Variants in SLC4A11 observed in about 807,000 individuals in gnomAD.
SLC4A11 encodes the protein solute carrier family 4 member 11.
Under a neutral mutation model 95.0 loss-of-function variants are expected in SLC4A11, and 74 were observed. The ratio of observed to expected loss-of-function variants is 0.78; its 90% CI spans 0.65 to 0.95. The LOEUF (loss-of-function observed/expected upper bound fraction) is 0.95, where lower values mean the gene tolerates loss of function less well. Among genes scored for constraint, SLC4A11 ranks in the 40% least tolerant of loss-of-function variants. The pLI is 0.00. For missense variants in SLC4A11, 1,081 were observed against 1,192.4 expected (o/e 0.91, Z 1.38); for synonymous variants, 548 against 519.0 (o/e 1.06, Z -0.76).
chr20:3,229,285 T>C (rs1568530164), intron 15 of SLC4A11, 22 bp from the exon 16 acceptor site: 4 of 1,613,004 alleles, frequency 2.5e-6, no homozygotes, highest in Non-Finnish European at 3.4e-6. Context: ...GACAGGCTAC[T>C]GCTATGCCTG....
chr20:3,230,770 A>C lies in SLC4A11; in HGVS notation c.1244T>G (p.Ile415Ser). 1.1e-5 allele frequency: 18 copies of C among 1,613,316 alleles called. No homozygotes were observed. Among genetic ancestry groups the C allele is most frequent in the Non-Finnish European group, 1.5e-5 (18 of 1,179,986 alleles). The change falls in exon 11 of 20, where the codon ATT becomes AGT. Residue 415 changes from isoleucine to serine, a missense_variant. By Grantham distance (142) the Ile-to-Ser change is moderately radical. This residue lies in a region of SLC4A11 where 767 missense variants were observed against 858.0 expected (regional missense o/e 0.89). Coordinates refer to ENST00000642402, the MANE Select transcript of SLC4A11 (RefSeq NM_001174089.2). ...CGCCAGGGGCGCGGTGGTCAGCAGA[A>C]TCACCAATGGCTGCCCAGAGAAGAG... The part of the protein sequence containing the change: ...YALFSGQPLV[I>S]LLTTAPLALY...
In SLC4A11 at chr20:3,227,875, A is replaced by G; in HGVS notation, c.2559-19T>C. 1 of 1,610,736 alleles carries G rather than the reference A, an allele frequency of 6.2e-7. No individual in the cohort carries two copies. The highest frequency in any genetic ancestry group is 8.5e-7 in the Non-Finnish European group (1 of 1,178,792). On this transcript the variant is annotated intron_variant, in intron 19 of 19. Transcript: ENST00000642402. The stretch of plus-strand genomic sequence containing the variant: ...GATATAGCTGTGGGGAGGGAGGGAC[A>G]GGAGGATGAGCCTGGGTCAGAGAGA...
chr20:3,233,711 C>A, intron 6 of SLC4A11, 74 bp from the exon 7 acceptor site: 1 of 1,598,028 alleles, frequency 6.3e-7, no homozygotes, highest in Non-Finnish European at 8.5e-7. Context: ...AGAACCCCCT[C>A]GACCTTGACC....
At chr20:3,230,444 C>G (rs548609295) in intron 12 of SLC4A11, 71 bp downstream of exon 12, 1,544 of 1,610,288 alleles carry the variant, frequency 9.6e-4, no homozygotes, top group Non-Finnish European at 1.2e-3. Flanking sequence ...CCCCACCACC[C>G]TGGGGTTACA....
chr20:3,238,082 C>T (rs1262591524), intron 1 of SLC4A11: 8 of 1,467,276 alleles, frequency 5.5e-6, no homozygotes, highest in Non-Finnish European at 6.3e-6. Flanking sequence ...GCAGTTCCCC[C>T]GACCCCCGTC....
Position 3,229,023 on chromosome 20 carries a change from G to C in SLC4A11, c.2019-12C>G, listed in dbSNP as rs567863718. 1 of 1,611,396 alleles carries C rather than the reference G, an allele frequency of 6.2e-7. No individual in the cohort carries two copies. The highest frequency in any genetic ancestry group is 1.3e-5 in the African/African-American group (1 of 74,996). ...TGCCCTTCACCAGCCTGCAGCAGAC[G>C]GGCACTCGTGGACAGAGCCCCACAG... On this transcript the variant is annotated splice_polypyrimidine_tract_variant and intron_variant, in intron 16 of 19. Coordinates refer to ENST00000642402, the MANE Select transcript of SLC4A11 (RefSeq NM_001174089.2).
rs769679247 is a variant in SLC4A11, at chr20:3,234,619, T to C, written c.242-2A>G. The C allele has an allele frequency of 6.2e-7, 1 of 1,613,874 alleles. No individual in the cohort carries two copies. Among genetic ancestry groups the C allele is most frequent in the Non-Finnish European group, 8.5e-7 (1 of 1,180,000 alleles). On this transcript the variant is annotated splice_acceptor_variant, in intron 3 of 19. Coordinates refer to ENST00000642402, the MANE Select transcript of SLC4A11 (RefSeq NM_001174089.2). LOFTEE classifies it high-confidence loss of function. The surrounding 1 kb of genome is among the most constrained non-coding windows in gnomAD (Gnocchi z 5.8). ...AGCCACCGGAAGTCGCTTCATTCTCTGCCGGAGAAAAGCGGGGAGGGCTCA... is the reference window on the plus strand; with the variant it reads ...AGCCACCGGAAGTCGCTTCATTCTCCGCCGGAGAAAAGCGGGGAGGGCTCA...
intron 19 of SLC4A11, 106 bp downstream of exon 19, chr20:3,228,153 C>CCCCCAA: frequency 4.9e-6 from 5 of 1,017,544 alleles, no homozygotes; most frequent in Non-Finnish European, 7.4e-6. Flanking sequence ...CCAACCCGCC[C>CCCCCAA]ATTCTCCGCC....
At chr20:3,239,035 G>C (rs1236648970) in intron 1 of SLC4A11, 60 bp downstream of exon 1, 1 of 1,454,970 alleles carries the variant, frequency 6.9e-7, no homozygotes, top group Non-Finnish European at 9.0e-7. Flanking sequence ...GTCCCCGACG[G>C]GAGACGGTGG....
intron 12 of SLC4A11, 92 bp downstream of exon 12, chr20:3,230,423 G>C: frequency 6.2e-7 from 1 of 1,600,280 alleles, no homozygotes. Flanking sequence ...GCAGCAATAT[G>C]GTGGGGGCAC....
rs200760447 is a variant in SLC4A11 at position 3,231,381 on chromosome 20, C to T, written c.897G>A (p.Pro299=). ...LTMVSHGPVA[P]RTKERSTVSL... is the part of the protein sequence containing the mutation. ...AGACTGTGCTGCGTTCCTTCGTTCT[C>T]GGCGCCACTGGACCGTGGCTCACCA... is the stretch of plus-strand genomic sequence containing the variant. The change falls in exon 8 of 20, where the codon CCG becomes CCA. Residue 299 remains proline (P), a synonymous_variant. Transcript: ENST00000642402. This position sits in a 1 kb window ranked among gnomAD's most constrained non-coding sequence, Gnocchi z 5.2. The T allele has an allele frequency of 2.6e-4, 420 of 1,614,084 alleles. 1 individual carries two copies. Among genetic ancestry groups the T allele is most frequent in the Non-Finnish European group, 3.4e-4 (397 of 1,180,014 alleles).
chr20:3,233,894 G>A (rs745517048), intron 6 of SLC4A11, 27 bp downstream of exon 6: 4 of 1,610,360 alleles, frequency 2.5e-6, no homozygotes, highest in South Asian at 1.1e-5. Context: ...GCGACAAGAA[G>A]GGGGGCCAAG....
Position 3,230,607 on chromosome 20 carries a change from G to A in SLC4A11, c.1323C>T (p.Asn441=), listed in dbSNP as rs575773766. The A allele has an allele frequency of 1.2e-5, 19 of 1,613,822 alleles. No homozygotes were observed. The East Asian group carries it at 4.0e-4, about 34-fold the overall frequency. ...VICDDYDLDF[N]SFYAWTGLWN... is the part of the protein sequence containing the mutation. ...ACAGGCCCGTCCATGCGTAGAAGGA[G>A]TTGAAGTCCAGGTCATAGTCATCAC... is the stretch of plus-strand genomic sequence containing the variant. The change falls in exon 12 of 20, where the codon AAC becomes AAT. Residue 441 remains asparagine (N), a synonymous_variant. Transcript: ENST00000642402.
At chr20:3,233,865 T>C (rs2122593762) in intron 6 of SLC4A11, 56 bp downstream of exon 6, 5 of 1,595,166 alleles carry the variant, frequency 3.1e-6, no homozygotes, top group Non-Finnish European at 4.3e-6. Context: ...ACAGGGGACA[T>C]GGGACACCCA....
chr20:3,234,971 G>T lies in SLC4A11; in HGVS notation c.89-77C>A, dbSNP rs1242385012. Reference sequence around the variant, plus strand: ...GAAGGAGGGGCTCCAAGCCCAGGGAGCAGGGACCCCTGGACTGTCCCACTC... The same window carrying T: ...GAAGGAGGGGCTCCAAGCCCAGGGATCAGGGACCCCTGGACTGTCCCACTC... On this transcript the variant is annotated intron_variant, in intron 2 of 19. Coordinates refer to ENST00000642402, the MANE Select transcript of SLC4A11 (RefSeq NM_001174089.2). The surrounding 1 kb of genome is among the most constrained non-coding windows in gnomAD (Gnocchi z 5.8). The T allele has an allele frequency of 3.2e-6, 5 of 1,570,294 alleles. No individual in the cohort carries two copies. The highest frequency in any genetic ancestry group is 3.5e-6 in the Non-Finnish European group (4 of 1,143,146).
rs940717593 is a variant in SLC4A11 at position 3,227,626 on chromosome 20, A to G, written c.*161T>C. On this transcript the variant is annotated 3_prime_UTR_variant, in exon 20 of 20. Transcript: ENST00000642402. The stretch of plus-strand genomic sequence containing the variant: ...AATGGGAGAGGGGTGGGCACATACC[A>G]CTGCACCCCTACAATGCCCAGATGC... 2.2e-5 allele frequency: 16 copies of G among 725,528 alleles called. No individual in the cohort carries two copies. Among genetic ancestry groups the G allele is most frequent in the Non-Finnish European group, 3.8e-5 (16 of 416,994 alleles). The allele number at this position is 725,528 out of a possible 1,614,324, so 44.9% of individuals were successfully genotyped here. A position where few individuals can be genotyped will look rare whatever the true frequency, so the allele number is the denominator to read the frequency against.
intron 13 of SLC4A11, 80 bp from the exon 14 acceptor site, chr20:3,229,856 G>T: frequency 1.3e-6 from 2 of 1,594,298 alleles, no homozygotes; most frequent in Non-Finnish European, 8.6e-7. Flanking sequence ...ATCTCAGGGA[G>T]AAAGGGCTCC....
At position 3,234,933 on chromosome 20, in the gene SLC4A11, G is replaced by C. The variant is rs1423928478; in HGVS notation, c.89-39C>G. 6.2e-7 allele frequency: 1 copy of C among 1,613,052 alleles called. No homozygotes were observed. The highest frequency in any genetic ancestry group is 8.5e-7 in the Non-Finnish European group (1 of 1,179,696). On this transcript the variant is annotated intron_variant, in intron 2 of 19. Coordinates refer to ENST00000642402, the MANE Select transcript of SLC4A11 (RefSeq NM_001174089.2). The surrounding 1 kb of genome is among the most constrained non-coding windows in gnomAD (Gnocchi z 5.8). ...AGAGCAAGAGGGCCTGGCTGTTAAA[G>C]TGCCACACACAGGAAGGAGGGGCTC...
chr20:3,234,494 A>G lies in SLC4A11; in HGVS notation c.291+74T>C, dbSNP rs890000185. On this transcript the variant is annotated intron_variant, in intron 4 of 19. Coordinates refer to ENST00000642402, the MANE Select transcript of SLC4A11 (RefSeq NM_001174089.2). The surrounding 1 kb of genome is among the most constrained non-coding windows in gnomAD (Gnocchi z 5.8). ...GGCATGGGAAGAGGGGAGCAGCGGG[A>G]GGATTCTCAGGGAAGCCATCACCTC... is the stretch of plus-strand genomic sequence containing the variant. The G allele has an allele frequency of 1.5e-4, 231 of 1,592,982 alleles. No homozygotes were observed. The highest frequency in any genetic ancestry group is 1.9e-4 in the Non-Finnish European group (218 of 1,162,726).
Sources: allele counts gnomAD v4.1 joint callset, GRCh38; gene constraint gnomAD v4.1.1; regional missense constraint gnomAD v4.1.1; non-coding constraint Gnocchi (gnomAD v3.1); transcripts MANE v1.5; gene names NCBI Gene and HGNC (gene_info 2026-07-23, HGNC 2026-07-21).